The following PDGFRA variants were observed in gnomAD, a reference collection of about 807,000 sequenced individuals.
PDGFRA encodes platelet-derived growth factor receptor alpha.
A neutral mutation model predicts 121.5 loss-of-function variants in PDGFRA; 25 were observed. The observed-to-expected ratio is 0.21, with a 90% CI of 0.15 to 0.29. PDGFRA has a LOEUF of 0.29. Among genes scored for constraint, PDGFRA ranks in the 10% least tolerant of loss-of-function variants. The probability of loss-of-function intolerance (pLI) is 1.00; values close to 1 mark genes in which losing one functional copy is unlikely to be tolerated. For synonymous variants in PDGFRA, 463 were observed against 494.8 expected, an observed-to-expected ratio of 0.94 and a Z score of 0.85; for missense variants, 1,008 against 1,345.1, an observed-to-expected ratio of 0.75 and a Z score of 3.92.
chr4:54,287,754 T>C lies in PDGFRA; in HGVS notation c.2674+213T>C, dbSNP rs7654385. Among the ~76,000 whole-genome samples, 151,894 of 152,288 alleles carry C rather than the reference T, an allele frequency of 1. 75,752 individuals are homozygous for C. Among genetic ancestry groups the C allele is most frequent in the Middle Eastern group, 1 (294 of 294 alleles). On this transcript the variant is annotated intron_variant, in intron 19 of 22. Coordinates refer to ENST00000257290, the MANE Select transcript of PDGFRA (RefSeq NM_006206.6). ...GGGGTTTTTGTTGGGGGTTGCGTCT[T>C]ACTCCTGGCCTCTGCCCCTCCTCTC...
intron 1 of PDGFRA, among the ~76,000 whole-genome samples, chr4:54,234,783 AACTGCT>A (rs1720921369): frequency 1.3e-5 from 2 of 152,178 alleles, no homozygotes; most frequent in Admixed American, 1.3e-4. Flanking sequence ...CGAATGCTCA[AACTGCT>A]ACTGCTACTC....
intron 16 of PDGFRA, chr4:54,281,612 GA>G: frequency 7.4e-7 from 1 of 1,356,080 alleles, no homozygotes; most frequent in Admixed American, 2.2e-5. Context: ...CGAGATGTCA[GA>G]GGAACCTGAG....
chr4:54,270,782 C>T (rs1723303888), intron 8 of PDGFRA, 34 bp downstream of exon 8: 1 of 1,171,326 alleles, frequency 8.5e-7, no homozygotes, highest in Non-Finnish European at 1.3e-6. Flanking sequence ...AATGCTAGCT[C>T]TGTAGATGAG....
At chr4:54,241,105 A>G (rs958056686) in intron 1 of PDGFRA, among the ~76,000 whole-genome samples, 10 of 152,258 alleles carry the variant, frequency 6.6e-5, no homozygotes, top group Non-Finnish European at 1.0e-4. Flanking sequence ...AAAAATTCAT[A>G]TATAACTCTG....
rs1492765 is a variant in PDGFRA at position 54,273,811 on chromosome 4, T to C, written c.1558+81T>C. 1,072,749 of 1,082,588 alleles carry C rather than the reference T, an allele frequency of 0.99. 532,003 individuals carry two copies. Among genetic ancestry groups the C allele is most frequent in the East Asian group, 1 (42,064 of 42,064 alleles). The allele number at this position is 1,082,588 out of a possible 1,614,324, so 67.1% of individuals were successfully genotyped here. On this transcript the variant is annotated intron_variant, in intron 10 of 22. Transcript: ENST00000257290. ...GGAACTTTGAATCCCAGATAGGGGT[T>C]ATATAGAAATGAAGGTCCCAAGGCA...
At chr4:54,258,918 A>C (rs1386140238) in intron 2 of PDGFRA, 101 bp downstream of exon 2, 2 of 908,258 alleles carry the variant, frequency 2.2e-6, no homozygotes, top group Non-Finnish European at 3.6e-6. Context: ...TACACAGTCC[A>C]AAAGAGTGAA....
chr4:54,286,695 GA>G (rs1392853130), intron 18 of PDGFRA, among the ~76,000 whole-genome samples: 1 of 152,162 alleles, frequency 6.6e-6, no homozygotes, highest in African/African-American at 2.4e-5. Flanking sequence ...TGTATGCATG[GA>G]CAAGCATGCA....
intron 18 of PDGFRA, 54 bp downstream of exon 18, chr4:54,286,017 T>C (rs2110338712): frequency 6.4e-7 from 1 of 1,571,208 alleles, no homozygotes. Flanking sequence ...CTTTAATCTC[T>C]AAAGTCAGGT....
At chr4:54,289,468 G>A (rs953824485) in intron 21 of PDGFRA, among the ~76,000 whole-genome samples, 10 of 152,104 alleles carry the variant, frequency 6.6e-5, no homozygotes, top group Admixed American at 2.0e-4. Context: ...TTTTACCAGC[G>A]GACTGGAAGG....
At chr4:54,260,699 C>T (rs1315373578) in intron 2 of PDGFRA, among the ~76,000 whole-genome samples, 3 of 152,092 alleles carry the variant, frequency 2.0e-5, no homozygotes, top group Non-Finnish European at 2.9e-5. Flanking sequence ...TGAGCCTCTG[C>T]GCCCCAGCCT....
At position 54,285,825 on chromosome 4, in the gene PDGFRA, T is replaced by G; in HGVS notation, c.2440-16T>G. ...AGATGGCTTGATCCTGAGTCATTTCTTCCTTTTCCATGCAGTGTGTCCACC... is the reference window on the plus strand; with the variant it reads ...AGATGGCTTGATCCTGAGTCATTTCGTCCTTTTCCATGCAGTGTGTCCACC... On this transcript the variant is annotated splice_polypyrimidine_tract_variant and intron_variant, in intron 17 of 22. Transcript: ENST00000257290. The G allele has an allele frequency of 6.2e-7, 1 of 1,613,910 alleles. No individual in the cohort carries two copies. The highest frequency in any genetic ancestry group is 8.5e-7 in the Non-Finnish European group (1 of 1,179,904).
At chr4:54,268,771 C>T (rs1472782331) in intron 7 of PDGFRA, among the ~76,000 whole-genome samples, 7 of 152,284 alleles carry the variant, frequency 4.6e-5, no homozygotes, top group East Asian at 3.9e-4. Context: ...CAGCTTTCCA[C>T]GAGGAACTTC....
At chr4:54,275,110 C>A in intron 12 of PDGFRA, 137 bp downstream of exon 12, 2 of 881,066 alleles carry the variant, frequency 2.3e-6, no homozygotes, top group Non-Finnish European at 3.7e-6. Flanking sequence ...TTCAGAAATA[C>A]ATTTCTGTCT....
intron 18 of PDGFRA, 55 bp downstream of exon 18, chr4:54,286,018 A>G (rs1724344657): frequency 1.9e-6 from 3 of 1,579,950 alleles, no homozygotes; most frequent in Non-Finnish European, 1.7e-6. Context: ...TTTAATCTCT[A>G]AAGTCAGGTG....
chr4:54,264,424 A>C (rs1217789594), intron 4 of PDGFRA: 1 of 242,894 alleles, frequency 4.1e-6, no homozygotes, highest in African/African-American at 2.3e-5. Flanking sequence ...GGGTAGCAGC[A>C]AGAGTACACT....
Position 54,261,077 on chromosome 4 carries a change from G to A in PDGFRA, c.50-18G>A, listed in dbSNP as rs774580779. On this transcript the variant is annotated intron_variant, in intron 2 of 22. Transcript: ENST00000257290. Reference sequence around the variant, plus strand: ...CCTTTCTGACTGCATCCTATTCAGAGCGTGCTTCCTTTTGCAGGGCTGAGC... The same window carrying A: ...CCTTTCTGACTGCATCCTATTCAGAACGTGCTTCCTTTTGCAGGGCTGAGC... 3.1e-6 allele frequency: 5 copies of A among 1,611,622 alleles called. No homozygotes were observed. The highest frequency in any genetic ancestry group is 4.5e-5 in the East Asian group (2 of 44,858).
rs541426748 is a variant in PDGFRA at position 54,264,785 on chromosome 4, A to G, written c.629-134A>G. On this transcript the variant is annotated intron_variant, in intron 4 of 22. Coordinates refer to ENST00000257290, the MANE Select transcript of PDGFRA (RefSeq NM_006206.6). ...CAATCAAGCCTTGTGAGATTTTCCA[A>G]ATTTTATCTTGATCAAACTGGTTTG... 1.2e-4 allele frequency: 96 copies of G among 807,252 alleles called. No individual in the cohort carries two copies. In the South Asian group the frequency reaches 1.4e-3, roughly 12 times the overall value. The allele number at this position is 807,252 out of a possible 1,614,324, so 50.0% of individuals were successfully genotyped here.
At chr4:54,239,100 A>G (rs887426308) in intron 1 of PDGFRA, among the ~76,000 whole-genome samples, 3 of 152,224 alleles carry the variant, frequency 2.0e-5, no homozygotes, top group African/African-American at 7.2e-5. Flanking sequence ...CTTATTACAC[A>G]CTAATTATAA....
intron 1 of PDGFRA, among the ~76,000 whole-genome samples, chr4:54,245,669 A>C (rs1482741847): frequency 2.0e-5 from 3 of 152,036 alleles, no homozygotes; most frequent in East Asian, 3.9e-4. Flanking sequence ...CGAGCAAAAT[A>C]ACCAGCTAAC....
Sources: allele counts gnomAD v4.1 joint callset (sites outside exome capture counted in the v4.1 genomes callset), GRCh38; gene constraint gnomAD v4.1.1; transcripts MANE v1.5; gene names NCBI Gene and HGNC (gene_info 2026-07-23, HGNC 2026-07-21).